NME9: variants seen among roughly 807,000 people sequenced by gnomAD.
The protein encoded by NME9 is NME/NM23 family member 9.
Under a neutral mutation model 44.4 loss-of-function variants are expected in NME9, and 48 were observed. The observed-to-expected ratio is 1.08, with a 90% CI of 0.86 to 1.37. The LOEUF (loss-of-function observed/expected upper bound fraction) is 1.37. NME9 is among the 40% of genes most tolerant of loss of function. NME9 has a pLI of 0.00. For synonymous variants in NME9, 139 were observed against 147.1 expected (o/e 0.94, Z 0.40); for missense variants, 325 against 405.2 (o/e 0.80, Z 1.70).
intron 8 of NME9, among the ~76,000 whole-genome samples, chr3:138,265,697 C>T (rs553471547): frequency 3.1e-4 from 47 of 151,736 alleles, no homozygotes; most frequent in Admixed American, 2.4e-3. Flanking sequence ...GTGTAGGGAA[C>T]GGCAAGTATA....
intron 8 of NME9, among the ~76,000 whole-genome samples, chr3:138,267,578 T>G (rs1159408205): frequency 6.6e-6 from 1 of 152,220 alleles, no homozygotes; most frequent in Non-Finnish European, 1.5e-5. Context: ...AAAGAATAAA[T>G]TAAGACTAAA....
At chr3:138,310,480 A>G (rs1213906051) in intron 6 of NME9, among the ~76,000 whole-genome samples, 2 of 152,004 alleles carry the variant, frequency 1.3e-5, no homozygotes, top group Non-Finnish European at 2.9e-5. Flanking sequence ...TTTCATCAGC[A>G]TGTGGAATAT....
intron 2 of NME9, among the ~76,000 whole-genome samples, chr3:138,323,323 G>T (rs1457423166): frequency 6.6e-6 from 1 of 152,216 alleles, no homozygotes; most frequent in Non-Finnish European, 1.5e-5. Context: ...GGCTGAGGCA[G>T]GAGAATCGCT....
At chr3:138,265,065 T>C (rs2048147673) in intron 8 of NME9, among the ~76,000 whole-genome samples, 1 of 151,730 alleles carries the variant, frequency 6.6e-6, no homozygotes, top group Non-Finnish European at 1.5e-5. Context: ...GCCTGGCTAA[T>C]TTTTTTTATT....
chr3:138,285,430 TTCCTTTGTTCACTACAC>T (rs2050313824), intron 8 of NME9, among the ~76,000 whole-genome samples: 1 of 152,176 alleles, frequency 6.6e-6, no homozygotes, highest in African/African-American at 2.4e-5. Flanking sequence ...TATTCCTCTC[TTCCTTTGTTCACTACAC>T]TGGCCACTTG....
chr3:138,313,183 G>C (rs192300198), intron 6 of NME9, among the ~76,000 whole-genome samples: 3 of 152,206 alleles, frequency 2.0e-5, no homozygotes, highest in Non-Finnish European at 4.4e-5. Context: ...CTGATGTCAG[G>C]AGTTCAAAAC....
chr3:138,293,237 T>G (rs768531763), intron 8 of NME9, among the ~76,000 whole-genome samples: 2 of 152,144 alleles, frequency 1.3e-5, no homozygotes, highest in Non-Finnish European at 2.9e-5. Flanking sequence ...CTTACCATCC[T>G]GTAGGCTAAA....
intron 8 of NME9, among the ~76,000 whole-genome samples, chr3:138,280,323 T>TTATTATA (rs2049762157): frequency 6.6e-6 from 1 of 151,320 alleles, no homozygotes; most frequent in South Asian, 2.1e-4. Flanking sequence ...ATTATTATTA[T>TTATTATA]TATATATATT....
At position 138,301,140 on chromosome 3, in the gene NME9, A is replaced by G; in HGVS notation, c.*500T>C. The G allele has an allele frequency of 3.1e-6, 3 of 964,438 alleles. No homozygotes were observed. The highest frequency in any genetic ancestry group is 3.7e-6 in the Non-Finnish European group (3 of 810,928). The allele number at this position is 964,438 out of a possible 1,614,324, so 59.7% of individuals were successfully genotyped here. A position where few individuals can be genotyped will look rare whatever the true frequency, so the allele number is the denominator to read the frequency against. On this transcript the variant is annotated 3_prime_UTR_variant, in exon 11 of 11. Transcript: ENST00000333911. The stretch of plus-strand genomic sequence containing the variant: ...GTAAAATCCCAAAGACAGAGAAAAA[A>G]AACTGCGTTCTACATACTGTTTAAT...
chr3:138,328,338 A>T (rs984365127), intron 1 of NME9, among the ~76,000 whole-genome samples: 2 of 63,524 alleles, frequency 3.1e-5, no homozygotes, highest in African/African-American at 6.1e-5. Context: ...ATCCCACCCC[A>T]CCCCACCCCA....
At chr3:138,288,984 C>CA (rs891398550) in intron 8 of NME9, 1,123 of 1,347,294 alleles carry the variant, frequency 8.3e-4, no homozygotes, top group Non-Finnish European at 9.2e-4. Context: ...TAGGTCCCCC[C>CA]AAAAAAAAAT....
chr3:138,280,879 C>T (rs1173959270), intron 8 of NME9, among the ~76,000 whole-genome samples: 5 of 152,168 alleles, frequency 3.3e-5, no homozygotes, highest in African/African-American at 9.7e-5. Context: ...CCACCTGCCT[C>T]GGCCTCCCAA....
intron 8 of NME9, among the ~76,000 whole-genome samples, chr3:138,276,863 G>A (rs1381562806): frequency 6.6e-6 from 1 of 152,140 alleles, no homozygotes; most frequent in African/African-American, 2.4e-5. Flanking sequence ...CAGCATGTTT[G>A]TTTATAAATA....
At position 138,267,737 on chromosome 3, in the gene NME9, T is replaced by C. The variant is rs545482528; in HGVS notation, c.746-5151A>G. On this transcript the variant is annotated intron_variant, in intron 8 of 8. Transcript: ENST00000317876. Reference sequence around the variant, plus strand: ...ATTTTATAAAATATTTGAGTATGTATTCTTTTTTTTAATAGGAAAAACTAA... The same window carrying C: ...ATTTTATAAAATATTTGAGTATGTACTCTTTTTTTTAATAGGAAAAACTAA... Among the ~76,000 whole-genome samples, 4 of 152,264 alleles carry C rather than the reference T, an allele frequency of 2.6e-5. No homozygotes were observed. In the South Asian group the frequency reaches 8.3e-4, roughly 32 times the overall value.
chr3:138,308,231 C>T (rs1272207491), intron 6 of NME9, among the ~76,000 whole-genome samples: 1 of 152,170 alleles, frequency 6.6e-6, no homozygotes, highest in Non-Finnish European at 1.5e-5. Context: ...ACTGTGCCTT[C>T]TCCGTTGTTA....
intron 8 of NME9, among the ~76,000 whole-genome samples, chr3:138,278,873 A>C (rs1427091552): frequency 1.3e-5 from 2 of 152,178 alleles, no homozygotes; most frequent in Non-Finnish European, 2.9e-5. Flanking sequence ...ATGGTAATAA[A>C]ATTTTCGTAT....
At chr3:138,296,500 T>C (rs1380112273), downstream of NME9, 1 of 151,882 alleles carries the variant, frequency 6.6e-6, no homozygotes, top group African/African-American at 2.4e-5. Context: ...GTAAAAAATA[T>C]ATGCATTTCT....
At chr3:138,275,625 G>T (rs1256988304) in intron 8 of NME9, among the ~76,000 whole-genome samples, 1 of 152,040 alleles carries the variant, frequency 6.6e-6, no homozygotes, top group East Asian at 1.9e-4. Flanking sequence ...CTCGCCCAAG[G>T]TCATCAGTAG....
intron 3 of NME9, among the ~76,000 whole-genome samples, chr3:138,319,194 AAAG>A (rs1362903082): frequency 1.3e-5 from 2 of 152,156 alleles, no homozygotes; most frequent in African/African-American, 2.4e-5. Context: ...GAAAAAGAAA[AAAG>A]AAGAGGGAGA....
Sources: gnomAD v4.1 joint callset for allele counts (sites outside exome capture counted in the v4.1 genomes callset) on GRCh38, gnomAD v4.1.1 for gene constraint, MANE v1.5 for transcripts, NCBI Gene and HGNC (gene_info 2026-07-23, HGNC 2026-07-21) for gene names.